Variants in PHF20L1 observed in about 807,000 individuals in gnomAD.
PHF20L1 encodes the protein PHD finger protein 20-like protein 1.
A neutral mutation model predicts 125.5 loss-of-function variants in PHF20L1; 44 were observed. That is an observed-to-expected ratio of 0.35 (90% CI 0.28 to 0.45). PHF20L1 has a LOEUF of 0.45. Among genes scored for constraint, PHF20L1 ranks in the 20% least tolerant of loss-of-function variants. The pLI, the probability that PHF20L1 is intolerant of heterozygous loss-of-function variation, is 1.00. For synonymous variants in PHF20L1, 380 were observed against 403.1 expected, an observed-to-expected ratio of 0.94 and a Z score of 0.69; for missense variants, 1,012 against 1,217.2, an observed-to-expected ratio of 0.83 and a Z score of 2.51.
chr8:132,843,713 C>T (rs2131953705), intron 19 of PHF20L1: 1 of 984,688 alleles, frequency 1.0e-6, no homozygotes, highest in Non-Finnish European at 1.2e-6. Flanking sequence ...TGTACTATAA[C>T]AGTAAAGTCC....
chr8:132,811,447 A>G, intron 9 of PHF20L1: 2 of 1,015,052 alleles, frequency 2.0e-6, no homozygotes, highest in Non-Finnish European at 2.4e-6. Context: ...AATACTTTCC[A>G]TTTGTGAGTT....
At chr8:132,788,943 C>G (rs1156483853) in intron 2 of PHF20L1, 1 of 151,976 alleles carries the variant, frequency 6.6e-6, no homozygotes, top group African/African-American at 2.4e-5. Context: ...TACATCTACA[C>G]CAAGCACATA....
intron 1 of PHF20L1, among the ~76,000 whole-genome samples, chr8:132,776,905 C>G (rs1488759811): frequency 6.6e-6 from 1 of 152,134 alleles, no homozygotes; most frequent in East Asian, 1.9e-4. Flanking sequence ...TATTCATATT[C>G]CTCACATACC....
At chr8:132,825,158 G>A in intron 13 of PHF20L1, 106 bp from the exon 14 acceptor site, 2 of 1,556,742 alleles carry the variant, frequency 1.3e-6, no homozygotes, top group African/African-American at 1.4e-5. Context: ...CTCTGGGCAG[G>A]TGACTGGAAT....
intron 2 of PHF20L1, among the ~76,000 whole-genome samples, chr8:132,779,236 G>A (rs1470867267): frequency 6.6e-6 from 1 of 152,178 alleles, no homozygotes; most frequent in Non-Finnish European, 1.5e-5. Context: ...GAAGTACCTG[G>A]GAACTAGGCA....
chr8:132,787,522 A>G (rs1831192093), intron 2 of PHF20L1, among the ~76,000 whole-genome samples: 1 of 152,126 alleles, frequency 6.6e-6, no homozygotes, highest in Non-Finnish European at 1.5e-5. Flanking sequence ...TGGAGAAGAT[A>G]TAATTTTGAC....
chr8:132,840,287 G>T (rs930088789), intron 18 of PHF20L1, among the ~76,000 whole-genome samples: 5 of 152,124 alleles, frequency 3.3e-5, no homozygotes, highest in South Asian at 2.1e-4. Flanking sequence ...TCCCATCCTT[G>T]TGTCTTTCAC....
At position 132,846,776 on chromosome 8, in the gene PHF20L1, G is replaced by A. The variant is rs1314576646; in HGVS notation, c.*853G>A. The A allele has an allele frequency of 6.6e-6, 1 of 152,096 alleles. No homozygotes were observed. Among genetic ancestry groups the A allele is most frequent in the Non-Finnish European group, 1.5e-5 (1 of 67,926 alleles). 9.4% of individuals were successfully genotyped at this position (152,096 alleles called of 1,614,324 possible). ...ATATCATATATATAGTTGAATGGCA[G>A]TATTCAGGCTCAACGTACAGTTTGA... On this transcript the variant is annotated 3_prime_UTR_variant, in exon 21 of 21. Transcript: ENST00000395386.
At chr8:132,776,226 G>T (rs913254598) in intron 1 of PHF20L1, among the ~76,000 whole-genome samples, 1 of 151,672 alleles carries the variant, frequency 6.6e-6, no homozygotes, top group Admixed American at 6.6e-5. Flanking sequence ...GGAAAATCTT[G>T]TTTTTTTTCT....
intron 12 of PHF20L1, among the ~76,000 whole-genome samples, chr8:132,823,175 A>G (rs879510054): frequency 1.3e-5 from 2 of 152,012 alleles, no homozygotes; most frequent in Non-Finnish European, 2.9e-5. Flanking sequence ...ACATTTATAT[A>G]TAGAACAAAA....
intron 2 of PHF20L1, among the ~76,000 whole-genome samples, chr8:132,786,236 TC>T (rs1362232688): frequency 6.6e-6 from 1 of 152,156 alleles, no homozygotes; most frequent in African/African-American, 2.4e-5. Context: ...TAAGCTACTT[TC>T]TTTACTCCAA....
Position 132,780,852 on chromosome 8 carries a change from T to G in PHF20L1, c.83+2941T>G, listed in dbSNP as rs950003602. Among the ~76,000 whole-genome samples, 4 of 150,456 alleles carry G rather than the reference T, an allele frequency of 2.7e-5. 1 individual carries two copies. Among genetic ancestry groups the G allele is most frequent in the African/African-American group, 9.9e-5 (4 of 40,468 alleles). On this transcript the variant is annotated intron_variant, in intron 2 of 20. Transcript: ENST00000395386. The stretch of plus-strand genomic sequence containing the variant: ...ATTAAAGGTTTTTCTTGCTTTTTTT[T>G]TTTTTTTTTTGAGACAGAGTCTTTT...
At chr8:132,811,264 A>G in intron 9 of PHF20L1, 136 bp downstream of exon 9, 1 of 1,444,476 alleles carries the variant, frequency 6.9e-7, no homozygotes, top group Non-Finnish European at 9.1e-7. Flanking sequence ...ATATATTTTT[A>G]ACTCTGCCTT....
At chr8:132,779,967 A>G (rs1165781928) in intron 2 of PHF20L1, among the ~76,000 whole-genome samples, 1 of 152,174 alleles carries the variant, frequency 6.6e-6, no homozygotes, top group Non-Finnish European at 1.5e-5. Flanking sequence ...GTTCTCTTTA[A>G]TGGAAATAAG....
chr8:132,843,994 C>G (rs533716332), intron 19 of PHF20L1, 162 bp from the exon 20 acceptor site: 5 of 985,232 alleles, frequency 5.1e-6, no homozygotes, highest in Non-Finnish European at 6.0e-6. Flanking sequence ...GAACCACCAG[C>G]TGGAATTTGG....
chr8:132,790,592 T>G (rs187475906), intron 2 of PHF20L1, among the ~76,000 whole-genome samples: 1 of 152,236 alleles, frequency 6.6e-6, no homozygotes, highest in Non-Finnish European at 1.5e-5. Flanking sequence ...CCATGTAGTC[T>G]AGCCAAAAGG....
chr8:132,836,336 T>TA lies in PHF20L1; in HGVS notation c.1910-203dup, dbSNP rs1199461526. On this transcript the variant is annotated intron_variant, in intron 15 of 20. Transcript: ENST00000395386. ...ACTTATAATAGTGTATACTATAAGATATAAAGCAGTCATAATTACCTAAGC... is the reference window on the plus strand; with the variant it reads ...ACTTATAATAGTGTATACTATAAGATAATAAAGCAGTCATAATTACCTAAGC... 8 of 473,520 alleles carry TA rather than the reference T, an allele frequency of 1.7e-5. No homozygotes were observed. In the East Asian group the frequency reaches 2.7e-4, roughly 16 times the overall value. 29.3% of individuals were successfully genotyped at this position (473,520 alleles called of 1,614,324 possible).
intron 15 of PHF20L1, among the ~76,000 whole-genome samples, chr8:132,835,675 C>G (rs2131875506): frequency 6.6e-6 from 1 of 152,204 alleles, no homozygotes; most frequent in South Asian, 2.1e-4. Flanking sequence ...GAAATTAATA[C>G]ATTTTAAAAA....
At position 132,842,640 on chromosome 8, in the gene PHF20L1, A is replaced by G; in HGVS notation, c.2513A>G (p.Tyr838Cys). 6.2e-7 allele frequency: 1 copy of G among 1,613,280 alleles called. No individual in the cohort carries two copies. Residue 838 changes from tyrosine (Y) to cysteine (C), a missense_variant, in exon 19 of 21, where the codon TAT becomes TGT. Tyr to Cys is a radical substitution (Grantham distance 194). Around this residue, in one of 7 missense-constraint regions of PHF20L1, gnomAD observed 277 missense variants for 283.6 expected, o/e 0.98. Transcript: ENST00000395386. Reference protein sequence around the residue: ...QDTVNREEKKYVQNHKEPPRL... With the variant: ...QDTVNREEKKCVQNHKEPPRL... ...ACAGTTAATCGAGAAGAAAAGAAAT[A>G]TGTACAGAACCATAAAGAACCACCT...
Sources: allele counts gnomAD v4.1 joint callset (sites outside exome capture counted in the v4.1 genomes callset), GRCh38; gene constraint gnomAD v4.1.1; regional missense constraint gnomAD v4.1.1; transcripts MANE v1.5; gene names NCBI Gene and HGNC (gene_info 2026-07-23, HGNC 2026-07-21).